NCALD: variants seen among roughly 807,000 people sequenced by gnomAD.
NCALD encodes neurocalcin-delta.
Under a neutral mutation model 18.6 loss-of-function variants are expected in NCALD, and 10 were observed. The ratio of observed to expected loss-of-function variants is 0.54; its 90% CI spans 0.33 to 0.91. The LOEUF is 0.91. Among genes scored for constraint, NCALD ranks in the 40% least tolerant of loss-of-function variants. The pLI, the probability that NCALD is intolerant of heterozygous loss-of-function variation, is 0.03. For missense variants in NCALD, 184 were observed against 247.6 expected, an observed-to-expected ratio of 0.74 and a Z score of 1.72; for synonymous variants, 88 against 87.4, an observed-to-expected ratio of 1.01 and a Z score of -0.04.
intron 4 of NCALD, among the ~76,000 whole-genome samples, chr8:101,847,619 AAT>A (rs1814922612): frequency 6.6e-6 from 1 of 152,162 alleles, no homozygotes; most frequent in Non-Finnish European, 1.5e-5. Flanking sequence ...TAGCCAATGA[AAT>A]TCTTAACTAA....
At chr8:101,726,022 G>A (rs1250798656) in intron 1 of NCALD, among the ~76,000 whole-genome samples, 1 of 152,160 alleles carries the variant, frequency 6.6e-6, no homozygotes, top group East Asian at 1.9e-4. Context: ...TCGCCATGGA[G>A]ATAACTGTAA....
At chr8:101,913,879 G>A (rs1817886683) in intron 3 of NCALD, among the ~76,000 whole-genome samples, 1 of 152,110 alleles carries the variant, frequency 6.6e-6, no homozygotes, top group Admixed American at 6.5e-5. Flanking sequence ...ACTGCGCCTG[G>A]CCTACTTAAC....
At chr8:101,708,055 T>C (rs1389349092) in intron 2 of NCALD, among the ~76,000 whole-genome samples, 2 of 152,174 alleles carry the variant, frequency 1.3e-5, no homozygotes, top group East Asian at 3.9e-4. Context: ...ATGTCAGCCT[T>C]TGGATGCTTT....
chr8:102,050,241 T>A, intron 1 of NCALD, among the ~76,000 whole-genome samples: 1 of 151,066 alleles, frequency 6.6e-6, no homozygotes, highest in Non-Finnish European at 1.5e-5. Flanking sequence ...CTTTGTAGAT[T>A]TTGGATATGA....
At chr8:101,873,927 C>G (rs534779477) in intron 4 of NCALD, among the ~76,000 whole-genome samples, 1 of 152,238 alleles carries the variant, frequency 6.6e-6, no homozygotes, top group South Asian at 2.1e-4. Context: ...TTAGAAGCAC[C>G]CTGATCCAAA....
chr8:102,020,157 G>T (rs1030454406), intron 2 of NCALD: 1 of 152,152 alleles, frequency 6.6e-6, no homozygotes, highest in African/African-American at 2.4e-5. Context: ...TACATAGAAT[G>T]TTAGGCTTAT....
chr8:101,689,258 AATCAAAAGGGAAC>A lies in NCALD; in HGVS notation c.*38_*50del. 6.4e-7 allele frequency: 1 copy of A among 1,550,462 alleles called. No individual in the cohort carries two copies. Among genetic ancestry groups the A allele is most frequent in the African/African-American group, 1.4e-5 (1 of 72,620 alleles). ...AAAAAAAAAAATTGTTAAAAAGAAG[AATCAAAAGGGAAC>A]ACAAGCAGCTCTACAATTCGATTGG... is the stretch of plus-strand genomic sequence containing the variant. On this transcript the variant is annotated 3_prime_UTR_variant, in exon 4 of 4. Transcript: ENST00000220931. This position sits in a 1 kb window ranked among gnomAD's most constrained non-coding sequence, Gnocchi z 4.4.
intron 2 of NCALD, among the ~76,000 whole-genome samples, chr8:101,968,584 T>C (rs564527032): frequency 6.6e-6 from 1 of 152,126 alleles, no homozygotes; most frequent in Non-Finnish European, 1.5e-5. Context: ...GCTTCCTGAC[T>C]CAGGACGCTG....
intron 2 of NCALD, among the ~76,000 whole-genome samples, chr8:101,925,191 TCC>T: frequency 6.6e-6 from 1 of 152,248 alleles, no homozygotes; most frequent in Admixed American, 6.5e-5. Context: ...GGCATAATTC[TCC>T]CTTCTGTCCA....
intron 1 of NCALD, among the ~76,000 whole-genome samples, chr8:101,771,453 C>G (rs1193741200): frequency 1.3e-5 from 2 of 152,214 alleles, no homozygotes; most frequent in East Asian, 3.8e-4. Context: ...TTTCATCTGT[C>G]TTCTCCATTT....
At chr8:101,732,945 T>C (rs1816908514) in intron 1 of NCALD, among the ~76,000 whole-genome samples, 1 of 152,112 alleles carries the variant, frequency 6.6e-6, no homozygotes, top group Non-Finnish European at 1.5e-5. Context: ...GATTTCACTG[T>C]AGAATTGATG....
In NCALD at chr8:101,690,829, G is replaced by C. The variant is rs565577289; in HGVS notation, c.485-1423C>G. The C allele has an allele frequency of 4.1e-6, 4 of 985,424 alleles. No individual in the cohort carries two copies. The East Asian group carries it at 4.5e-4, about 112-fold the overall frequency. 61.0% of individuals were successfully genotyped at this position (985,424 alleles called of 1,614,324 possible). ...TTCCTCCAGCTTGGCAAGGCATGAG[G>C]GAAGGGAGACAGGCGTGATCTCTGA... is the stretch of plus-strand genomic sequence containing the variant. On this transcript the variant is annotated intron_variant, in intron 3 of 3. Transcript: ENST00000220931.
At chr8:101,802,251 A>T (rs1320465552) in intron 4 of NCALD, among the ~76,000 whole-genome samples, 1 of 152,138 alleles carries the variant, frequency 6.6e-6, no homozygotes, top group Non-Finnish European at 1.5e-5. Flanking sequence ...AATATGAAAA[A>T]CTTAATTGAT....
At chr8:102,082,226 C>CTTTTTTTTTTTT (rs757875219) in intron 1 of NCALD, among the ~76,000 whole-genome samples, 9 of 71,866 alleles carry the variant, frequency 1.3e-4, no homozygotes, top group Admixed American at 1.7e-4. Context: ...GAAGCTCTCT[C>CTTTTTTTTTTTT]TTTTTTTTTT....
At chr8:101,913,379 C>A (rs140813919) in intron 3 of NCALD, among the ~76,000 whole-genome samples, 1 of 152,156 alleles carries the variant, frequency 6.6e-6, no homozygotes, top group African/African-American at 2.4e-5. Flanking sequence ...CATGTGTATA[C>A]CTTTATCCAA....
intron 4 of NCALD, among the ~76,000 whole-genome samples, chr8:101,846,621 C>G (rs908023819): frequency 1.3e-5 from 2 of 152,138 alleles, no homozygotes; most frequent in Non-Finnish European, 2.9e-5. Context: ...CATCCCAGAC[C>G]ACTCTGGTGA....
chr8:102,098,428 C>T (rs1825173071), intron 1 of NCALD, among the ~76,000 whole-genome samples: 1 of 152,210 alleles, frequency 6.6e-6, no homozygotes, highest in African/African-American at 2.4e-5. Context: ...AGGAACTCTT[C>T]CTCCCCGGCC....
rs79822900 is a variant in NCALD at position 101,727,520 on chromosome 8, G to A, written c.-19-7872C>T. Among the ~76,000 whole-genome samples, 982 of 152,250 alleles carry A rather than the reference G, an allele frequency of 6.4e-3. 13 individuals carry two copies. The highest frequency in any genetic ancestry group is 0.022 in the African/African-American group (904 of 41,538). On this transcript the variant is annotated intron_variant, in intron 1 of 3. Transcript: ENST00000220931. ...GCAATGTCACCCAAGCTGGAGTGCA[G>A]TACCTATTCACAGGCAAGATTGTGG...
intron 4 of NCALD, chr8:101,852,784 T>C (rs1161266491): frequency 1.3e-5 from 2 of 152,198 alleles, no homozygotes; most frequent in Admixed American, 1.3e-4. Flanking sequence ...GTGCCTAGTC[T>C]AAACAGCTGC....
Sources: gnomAD v4.1 joint callset for allele counts (sites outside exome capture counted in the v4.1 genomes callset) on GRCh38, gnomAD v4.1.1 for gene constraint, Gnocchi (gnomAD v3.1) non-coding constraint, MANE v1.5 for transcripts, NCBI Gene and HGNC (gene_info 2026-07-23, HGNC 2026-07-21) for gene names.